The following ABCA7 variants were observed in gnomAD, a reference collection of about 807,000 sequenced individuals.
The protein encoded by ABCA7 is ATP binding cassette subfamily A member 7.
In ABCA7, 261 loss-of-function variants were observed where a neutral mutation model predicts 227.6. The ratio of observed to expected loss-of-function variants is 1.15; its 90% CI spans 1.04 to 1.27. ABCA7 has a LOEUF of 1.27. Ranked by LOEUF, ABCA7 falls within the 50% of genes most tolerant of loss-of-function variation. The probability of loss-of-function intolerance (pLI) is 0.00; values close to 1 mark genes in which losing one functional copy is unlikely to be tolerated. For synonymous variants in ABCA7, 1,488 were observed against 1,279.7 expected, an observed-to-expected ratio of 1.16 and a Z score of -3.47; for missense variants, 3,331 against 2,924.5, an observed-to-expected ratio of 1.14 and a Z score of -3.21.
rs760373658 is a variant in ABCA7, at chr19:1,042,664, G to T, written c.499-82G>T. Reference sequence around the variant, plus strand: ...TGTAAAGTGGGGGCTATGATAGTATGGTCTGCCTGGGAACTGGCCAGAGCG... The same window carrying T: ...TGTAAAGTGGGGGCTATGATAGTATTGTCTGCCTGGGAACTGGCCAGAGCG... On this transcript the variant is annotated intron_variant, in intron 6 of 46. Coordinates refer to ENST00000263094, the MANE Select transcript of ABCA7 (RefSeq NM_019112.4). 9.4e-6 allele frequency: 13 copies of T among 1,387,248 alleles called. No homozygotes were observed. In the South Asian group the frequency reaches 1.2e-4, roughly 12 times the overall value. 85.9% of individuals were successfully genotyped at this position (1,387,248 alleles called of 1,614,324 possible).
At chr19:1,060,207 A>ATATTT in intron 40 of ABCA7, among the ~76,000 whole-genome samples, 3 of 96,766 alleles carry the variant, frequency 3.1e-5, no homozygotes, top group Non-Finnish European at 6.8e-5. Context: ...ATATATATAT[A>ATATTT]TTTTTTTTTC....
rs748577970 is a variant in ABCA7 at position 1,063,775 on chromosome 19, G to C, written c.5863G>C (p.Gly1955Arg). ...TGCTCCCCAGGACGAGCCGACCACA[G>C]GCATGGACCCCAGCGCGCGGCGCTT... ...AVVFLDEPTT[G>R]MDPSARRFLW... The change falls in exon 44 of 47, where the codon GGC becomes CGC. Residue 1955 changes from glycine (G) to arginine (R), a missense_variant. Coordinates refer to ENST00000263094, the MANE Select transcript of ABCA7 (RefSeq NM_019112.4). The C allele has an allele frequency of 1.1e-5, 17 of 1,547,722 alleles. No homozygotes were observed. The Middle Eastern group carries it at 5.0e-4, about 45-fold the overall frequency.
chr19:1,059,167 C>A (rs1060676), intron 40 of ABCA7, 82 bp downstream of exon 40: 1 of 1,493,562 alleles, frequency 6.7e-7, no homozygotes, highest in Non-Finnish European at 9.1e-7. Context: ...CTTTACTGAA[C>A]ACCTACTGTG....
chr19:1,040,870 G>A (rs1189927009), intron 1 of ABCA7, among the ~76,000 whole-genome samples: 1 of 152,174 alleles, frequency 6.6e-6, no homozygotes, highest in African/African-American at 2.4e-5. Context: ...CCCTGGGCGT[G>A]TGAAATGTCC....
At chr19:1,057,777 G>C in intron 35 of ABCA7, 138 bp from the exon 36 acceptor site, 1 of 981,128 alleles carries the variant, frequency 1.0e-6, no homozygotes. Context: ...AAGAGAGAAA[G>C]AAAAAAAAAA....
chr19:1,051,215 A>C lies in ABCA7; in HGVS notation c.2745A>C (p.Val915=), dbSNP rs3752240. The change falls in exon 20 of 47, where the codon GTA becomes GTC. Residue 915 remains valine, a synonymous_variant. Coordinates refer to ENST00000263094, the MANE Select transcript of ABCA7 (RefSeq NM_019112.4). The stretch of plus-strand genomic sequence containing the variant: ...GGCTGAAGGGTCTGAGTGCCGCTGT[A>C]GTGGGCCCCGAGCAGGACCGTCTGC... ...YGRLKGLSAA[V]VGPEQDRLLQ... is the part of the protein sequence containing the mutation. 1 of 1,610,594 alleles carries C rather than the reference A, an allele frequency of 6.2e-7. No homozygotes were observed. The highest frequency in any genetic ancestry group is 8.5e-7 in the Non-Finnish European group (1 of 1,179,674).
At position 1,063,571 on chromosome 19, in the gene ABCA7, G is replaced by T. The variant is rs763532522; in HGVS notation, c.5740G>T (p.Gly1914Ter). ...QTAGSGLARL[G>*]LSWYADRPAG... ...CGCTGGCTCGGGCCTGGCGCGTCTG[G>T]GACTCTCATGGTACGCAGACCGGCC... The change falls in exon 43 of 47, where the codon GGA (glycine) becomes TGA (stop). Residue 1914 changes from glycine (G) to a stop codon, truncating the protein, a stop_gained. Coordinates refer to ENST00000263094, the MANE Select transcript of ABCA7 (RefSeq NM_019112.4). LOFTEE classifies it high-confidence loss of function. 6.2e-7 allele frequency: 1 copy of T among 1,611,030 alleles called. No homozygotes were observed. Among genetic ancestry groups the T allele is most frequent in the Non-Finnish European group, 8.5e-7 (1 of 1,179,924 alleles).
Position 1,046,425 on chromosome 19 carries a change from C to T in ABCA7, c.1622+19C>T, listed in dbSNP as rs765958914. On this transcript the variant is annotated intron_variant, in intron 13 of 46. Coordinates refer to ENST00000263094, the MANE Select transcript of ABCA7 (RefSeq NM_019112.4). ...ACGACGTGTGAGCTCTGGCACCCCTCCCCGCTCTTCCCCGCGGCGGGAAGG... is the reference window on the plus strand; with the variant it reads ...ACGACGTGTGAGCTCTGGCACCCCTTCCCGCTCTTCCCCGCGGCGGGAAGG... 1.3e-6 allele frequency: 2 copies of T among 1,518,210 alleles called. No individual in the cohort carries two copies. Among genetic ancestry groups the T allele is most frequent in the South Asian group, 2.5e-5 (2 of 78,712 alleles). The allele number at this position is 1,518,210 out of a possible 1,614,324, so 94.0% of individuals were successfully genotyped here.
Position 1,051,944 on chromosome 19 carries a change from C to A in ABCA7, c.2965C>A (p.Arg989Ser). ...GTGGGTTGGTCCCCCGTGCCTAGGT[C>A]GCACGCTGATCCTCTCCACCCACCA... ...WELLLKYREGRTLILSTHHLD... is the reference protein window; with the variant it reads ...WELLLKYREGSTLILSTHHLD... Residue 989 changes from arginine (R) to serine (S), a missense_variant and splice_region_variant, in exon 22 of 47, where the codon CGC becomes AGC. Physicochemically the swap from Arg to Ser is moderately radical, Grantham distance 110. Transcript: ENST00000263094. 1 of 1,611,068 alleles carries A rather than the reference C, an allele frequency of 6.2e-7. No individual in the cohort carries two copies. Among genetic ancestry groups the A allele is most frequent in the Non-Finnish European group, 8.5e-7 (1 of 1,179,718 alleles).
rs775797092 is a variant in ABCA7 at position 1,054,315 on chromosome 19, C to A, written c.3700C>A (p.Arg1234Ser). 6.2e-7 allele frequency: 1 copy of A among 1,601,782 alleles called. No homozygotes were observed. The highest frequency in any genetic ancestry group is 1.1e-5 in the South Asian group (1 of 90,838). The change falls in exon 27 of 47, where the codon CGC becomes AGC. Residue 1234 changes from arginine to serine, a missense_variant. By Grantham distance (110) the Arg-to-Ser change is moderately radical. Transcript: ENST00000263094. This position sits in a 1 kb window ranked among gnomAD's most constrained non-coding sequence, Gnocchi z 4.8. ...TCTCAAGCGCTTTCTGCTTGCCCGC[C>A]GCAGCCGCCGCGGCCTGTTCGCCCA... ...LLLKRFLLAR[R>S]SRRGLFAQIV...
At position 1,056,458 on chromosome 19, in the gene ABCA7, C is replaced by T. The variant is rs780519015; in HGVS notation, c.4545C>T (p.His1515=). 11 of 1,613,666 alleles carry T rather than the reference C, an allele frequency of 6.8e-6. No individual in the cohort carries two copies. The East Asian group carries it at 1.6e-4, about 23-fold the overall frequency. ...RHAHSITTLN[H]PLNLTKEQLS... ...CCCACAGCATCACCACACTCAACCA[C>T]CCCTTGAACCTCACCAAGGAGCAGC... Residue 1515 remains histidine, a synonymous_variant, in exon 33 of 47, where the codon CAC becomes CAT. Transcript: ENST00000263094. This position sits in a 1 kb window ranked among gnomAD's most constrained non-coding sequence, Gnocchi z 4.3.
rs201830608 is a variant in ABCA7, at chr19:1,054,080, C to T, written c.3547C>T (p.Gln1183Ter). ...DVTLRLKMPP[Q>*]ETALENGEPA... ...AACCCTACGGCTCAAGATGCCGCCA[C>T]AGGAGACAGCGCTGGAGAACGGGGA... Residue 1183 changes from glutamine to a stop codon, truncating the protein, a stop_gained, in exon 26 of 47, where the codon CAG (glutamine) becomes TAG (stop). Coordinates refer to ENST00000263094, the MANE Select transcript of ABCA7 (RefSeq NM_019112.4). LOFTEE classifies it high-confidence loss of function. This position sits in a 1 kb window ranked among gnomAD's most constrained non-coding sequence, Gnocchi z 4.8. 10 of 1,613,224 alleles carry T rather than the reference C, an allele frequency of 6.2e-6. No homozygotes were observed. Among genetic ancestry groups the T allele is most frequent in the Admixed American group, 1.7e-5 (1 of 59,986 alleles).
At chr19:1,050,131 G>C (rs7408475) in intron 18 of ABCA7, among the ~76,000 whole-genome samples, 119,150 of 150,776 alleles carry the variant, frequency 0.79, 47,275 homozygotes, top group Middle Eastern at 0.85. Context: ...AATAAATAGG[G>C]CGGGAGTGGT....
rs1454037881 is a variant in ABCA7 at position 1,041,399 on chromosome 19, A to G, written c.38A>G (p.Lys13Arg). The change falls in exon 2 of 47, where the codon AAG (lysine) becomes AGG (arginine). Residue 13 changes from lysine (K) to arginine (R), a missense_variant. Lys to Arg is a conservative substitution (Grantham distance 26). Transcript: ENST00000263094. ...FWTQLMLLLW[K>R]NFMYRRRQPV... ...ACACAGCTGATGCTGCTGCTCTGGA[A>G]GAATTTCATGTATCGCCGGAGACAG... 3 of 1,613,970 alleles carry G rather than the reference A, an allele frequency of 1.9e-6. No individual in the cohort carries two copies. In the African/African-American group the frequency reaches 4.0e-5, roughly 22 times the overall value.
At chr19:1,065,192 G>A (rs547227632) in intron 46 of ABCA7, 21 bp downstream of exon 46, 2 of 1,594,932 alleles carry the variant, frequency 1.3e-6, no homozygotes, top group South Asian at 2.2e-5. Flanking sequence ...CGCCGGGGTC[G>A]GGCTGGGGGA....
intron 6 of ABCA7, 42 bp downstream of exon 6, chr19:1,042,439 TGCACTGGGGATGTCCTG>T: frequency 6.2e-7 from 1 of 1,605,924 alleles, no homozygotes; most frequent in Non-Finnish European, 8.5e-7. Flanking sequence ...CCTGGGACAC[TGCACTGGGGATGTCCTG>T]GCACTGCCCC....
At position 1,047,378 on chromosome 19, in the gene ABCA7, G is replaced by T. The variant is rs200288020; in HGVS notation, c.2067G>T (p.Ala689=). 11 of 1,564,658 alleles carry T rather than the reference G, an allele frequency of 7.0e-6. No homozygotes were observed. The highest frequency in any genetic ancestry group is 1.9e-5 in the Admixed American group (1 of 53,528). The change falls in exon 15 of 47, where the codon GCG becomes GCT. Residue 689 remains alanine (A), a splice_region_variant and synonymous_variant. Transcript: ENST00000263094. ...TGCCCGCGGGTGGCCGCGTGGCCGC[G>T]GTGAGAGCCGGGTCGGGCGTGGATG... ...DRLPAGGRVA[A]SLLSPVAFGF... is the part of the protein sequence containing the mutation.
At chr19:1,057,828 G>A in intron 35 of ABCA7, 87 bp from the exon 36 acceptor site, 1 of 1,503,278 alleles carries the variant, frequency 6.7e-7, no homozygotes, top group Non-Finnish European at 9.1e-7. Flanking sequence ...AAGGTCTAAG[G>A]CAGAGAAGAT....
rs1197842114 is a variant in ABCA7, at chr19:1,065,006, C to G, written c.6120C>G (p.Ala2040=). ...RSQPAAAFVA[A]EFPGAELREA... ...AGCCGGCAGCGGCCTTCGTGGCGGC[C>G]GAGTTCCCTGGGGCGGAGCTGCGCG... Residue 2040 remains alanine (A), a synonymous_variant, in exon 46 of 47, where the codon GCC becomes GCG. Transcript: ENST00000263094. The G allele has an allele frequency of 1.3e-6, 2 of 1,556,864 alleles. No individual in the cohort carries two copies. The highest frequency in any genetic ancestry group is 2.4e-5 in the East Asian group (1 of 41,268).
Sources: gnomAD v4.1 joint callset for allele counts (sites outside exome capture counted in the v4.1 genomes callset) on GRCh38, gnomAD v4.1.1 for gene constraint, Gnocchi (gnomAD v3.1) non-coding constraint, MANE v1.5 for transcripts, NCBI Gene and HGNC (gene_info 2026-07-23, HGNC 2026-07-21) for gene names.